The following PCDHA1 variants were observed in gnomAD, a reference collection of about 807,000 sequenced individuals.
PCDHA1 encodes the protein protocadherin alpha-1.
In PCDHA1, 42 loss-of-function variants were observed where a neutral mutation model predicts 61.3. The ratio of observed to expected loss-of-function variants is 0.69; its 90% CI spans 0.54 to 0.89. The LOEUF is 0.89. Among genes scored for constraint, PCDHA1 ranks in the 40% least tolerant of loss-of-function variants. The pLI, the probability that PCDHA1 is intolerant of heterozygous loss-of-function variation, is 0.00. For synonymous variants in PCDHA1, 610 were observed against 553.8 expected, an observed-to-expected ratio of 1.10 and a Z score of -1.43; for missense variants, 1,256 against 1,235.3, an observed-to-expected ratio of 1.02 and a Z score of -0.25.
At chr5:140,917,940 G>T (rs2078445007) in intron 1 of PCDHA1, among the ~76,000 whole-genome samples, 1 of 151,950 alleles carries the variant, frequency 6.6e-6, no homozygotes, top group African/African-American at 2.4e-5. Flanking sequence ...AATAATATTG[G>T]TAGTTTGATA....
intron 1 of PCDHA1, chr5:140,862,568 C>A: frequency 2.1e-6 from 1 of 480,650 alleles, no homozygotes; most frequent in African/African-American, 2.0e-5. Context: ...AACCACAATG[C>A]CCTGGCGTTC....
intron 1 of PCDHA1, among the ~76,000 whole-genome samples, chr5:140,915,068 ACTGAGTAG>A (rs2076964271): frequency 1.3e-5 from 2 of 150,322 alleles, no homozygotes; most frequent in South Asian, 4.2e-4. Context: ...GCCTTAGCCT[ACTGAGTAG>A]CTGGGACTAT....
intron 1 of PCDHA1, chr5:140,808,226 G>A (rs781997351): frequency 3.7e-6 from 6 of 1,614,116 alleles, no homozygotes; most frequent in Non-Finnish European, 5.1e-6. Flanking sequence ...CAACGATAAT[G>A]TCCCAGATTT....
chr5:140,875,783 T>C (rs782000038), intron 1 of PCDHA1: 4 of 1,614,050 alleles, frequency 2.5e-6, no homozygotes, highest in Non-Finnish European at 3.4e-6. Flanking sequence ...GAGTGCAGTA[T>C]CCACCTGGAG....
chr5:140,807,457 C>A (rs1366050536), intron 1 of PCDHA1: 2 of 1,607,918 alleles, frequency 1.2e-6, no homozygotes, highest in Non-Finnish European at 1.7e-6. Context: ...ATTCTCGGAT[C>A]GACCGGGAGG....
At chr5:140,872,215 A>T (rs931630004) in intron 1 of PCDHA1, among the ~76,000 whole-genome samples, 2 of 152,188 alleles carry the variant, frequency 1.3e-5, no homozygotes, top group Non-Finnish European at 2.9e-5. Flanking sequence ...ATTATATATG[A>T]AACAATCTTT....
intron 1 of PCDHA1, chr5:140,966,135 T>A (rs1456572936): frequency 1.2e-5 from 2 of 162,166 alleles, no homozygotes; most frequent in African/African-American, 4.8e-5. Context: ...CCCCTCAGTT[T>A]ATTTTCCTGA....
chr5:140,808,625 T>C (rs115173372), intron 1 of PCDHA1: 12 of 1,613,538 alleles, frequency 7.4e-6, no homozygotes, highest in East Asian at 2.2e-5. Flanking sequence ...TGTGTCTGCG[T>C]GGGACGCGGA....
rs1554118218 is a variant in PCDHA1 at position 140,788,307 on chromosome 5, G to A, written c.2017G>A (p.Gly673Ser). ...TGTGCTTGTATCTCTGGTGGAGAGC[G>A]GCCAGGCGCCAAAGGCGTCTTCGCG... ...ATVLVSLVES[G>S]QAPKASSRAS... is the part of the protein sequence containing the mutation. Residue 673 changes from glycine to serine, a missense_variant, in exon 1 of 4, where the codon GGC becomes AGC. Gly to Ser is a moderately conservative substitution (Grantham distance 56). Coordinates refer to ENST00000504120, the MANE Select transcript of PCDHA1 (RefSeq NM_018900.4). 1.9e-6 allele frequency: 3 copies of A among 1,613,968 alleles called. No homozygotes were observed. The East Asian group carries it at 6.7e-5, about 36-fold the overall frequency.
chr5:140,882,136 A>T (rs2058967821), intron 1 of PCDHA1: 14 of 1,486,890 alleles, frequency 9.4e-6, no homozygotes, highest in Non-Finnish European at 1.3e-5. Context: ...TCCTGCAGAA[A>T]ATATAGCAGA....
At chr5:140,827,100 C>A (rs1769178412) in intron 1 of PCDHA1, among the ~76,000 whole-genome samples, 2 of 152,036 alleles carry the variant, frequency 1.3e-5, no homozygotes, top group Non-Finnish European at 2.9e-5. Context: ...TAGGAGTCAG[C>A]ATGTATAGGT....
chr5:140,803,873 T>G, intron 1 of PCDHA1: 1 of 558,602 alleles, frequency 1.8e-6, no homozygotes, highest in South Asian at 2.4e-5. Flanking sequence ...AGACAAATAT[T>G]TTTTCTTAGA....
intron 1 of PCDHA1, chr5:140,802,826 G>C (rs1554122392): frequency 3.7e-6 from 6 of 1,613,354 alleles, no homozygotes; most frequent in African/African-American, 1.3e-5. Context: ...CGGGCGTGCC[G>C]CCTCTGGGCA....
At chr5:140,807,057 TG>T in intron 1 of PCDHA1, 3 of 1,093,628 alleles carry the variant, frequency 2.7e-6, no homozygotes, top group Non-Finnish European at 4.0e-6. Flanking sequence ...CTATTCTTAC[TG>T]GAAGGAACCA....
intron 1 of PCDHA1, among the ~76,000 whole-genome samples, chr5:140,961,697 T>A (rs1326642906): frequency 6.6e-6 from 1 of 152,232 alleles, no homozygotes; most frequent in Non-Finnish European, 1.5e-5. Flanking sequence ...GTCCTTAGTA[T>A]GAATGCCTTC....
chr5:140,893,817 C>T (rs951661016), intron 1 of PCDHA1, among the ~76,000 whole-genome samples: 73 of 152,098 alleles, frequency 4.8e-4, no homozygotes, highest in African/African-American at 1.7e-3. Context: ...AGTCTGGTAC[C>T]GTAGACTACT....
intron 1 of PCDHA1, chr5:140,881,444 A>C (rs2058716592): frequency 1.2e-6 from 1 of 800,270 alleles, no homozygotes; most frequent in African/African-American, 1.9e-5. Context: ...ATAAAAACAG[A>C]ATCCAAAACC....
At chr5:140,998,906 AG>A (rs1267220398) in intron 3 of PCDHA1, among the ~76,000 whole-genome samples, 10 of 152,208 alleles carry the variant, frequency 6.6e-5, no homozygotes, top group Non-Finnish European at 1.5e-5. Context: ...TGCCTCCGGG[AG>A]GTAGCTATTA....
At chr5:140,979,063 A>G (rs1245308340) in intron 2 of PCDHA1, 56 bp downstream of exon 2, 3 of 1,604,438 alleles carry the variant, frequency 1.9e-6, no homozygotes, top group East Asian at 4.5e-5. Context: ...TATGGCTCAG[A>G]TAAACTGCAT....
Sources: allele counts gnomAD v4.1 joint callset (sites outside exome capture counted in the v4.1 genomes callset), GRCh38; gene constraint gnomAD v4.1.1; transcripts MANE v1.5; gene names NCBI Gene and HGNC (gene_info 2026-07-23, HGNC 2026-07-21).